Variants in DGKI observed in about 807,000 individuals in gnomAD.
DGKI encodes DAG kinase iota.
Under a neutral mutation model 147.5 loss-of-function variants are expected in DGKI, and 55 were observed. That is an observed-to-expected ratio of 0.37 (90% CI 0.30 to 0.47). DGKI has a LOEUF of 0.47. Ranked by LOEUF, DGKI falls within the 20% of genes least tolerant of loss-of-function variation. DGKI has a pLI of 1.00. For missense variants in DGKI, 1,007 were observed against 1,323.8 expected (o/e 0.76, Z 3.71); for synonymous variants, 469 against 477.1 (o/e 0.98, Z 0.22).
intron 6 of DGKI, among the ~76,000 whole-genome samples, chr7:137,640,510 C>A (rs1185572194): frequency 2.6e-5 from 4 of 152,110 alleles, no homozygotes; most frequent in East Asian, 1.9e-4. Flanking sequence ...CACAGACAGG[C>A]AAATAACCAA....
intron 6 of DGKI, among the ~76,000 whole-genome samples, chr7:137,638,327 T>G (rs2129004369): frequency 6.6e-6 from 1 of 150,962 alleles, no homozygotes; most frequent in Non-Finnish European, 1.5e-5. Flanking sequence ...TCCTCCAATT[T>G]TTATCTTAAA....
rs1223238120 is a variant in DGKI, at chr7:137,581,842, G to A, written c.1642+8C>T. On this transcript the variant is annotated splice_region_variant and intron_variant, in intron 15 of 32. Coordinates refer to ENST00000614521, the MANE Select transcript of DGKI (RefSeq NM_001321708.2). ...CCCTGGGAGATGGAAATGGGACGTT[G>A]TCCTCACCTCTGGATTCATGGAACT... is the stretch of plus-strand genomic sequence containing the variant. 1 of 1,610,754 alleles carries A rather than the reference G, an allele frequency of 6.2e-7. No homozygotes were observed. The highest frequency in any genetic ancestry group is 1.3e-5 in the African/African-American group (1 of 74,950).
chr7:137,422,595 CTTTTTTT>C (rs60494368), intron 28 of DGKI, among the ~76,000 whole-genome samples: 238 of 61,984 alleles, frequency 3.8e-3, no homozygotes, highest in African/African-American at 0.015. Context: ...TTTTTCTTTT[CTTTTTTT>C]TTTTTTTTTT....
intron 19 of DGKI, among the ~76,000 whole-genome samples, chr7:137,561,806 C>T (rs1048714006): frequency 3.3e-5 from 5 of 151,988 alleles, no homozygotes; most frequent in African/African-American, 1.2e-4. Context: ...CAAATGACAG[C>T]TGACTTTTCA....
chr7:137,656,037 C>T (rs1822208228), intron 4 of DGKI, among the ~76,000 whole-genome samples: 1 of 152,218 alleles, frequency 6.6e-6, no homozygotes, highest in Non-Finnish European at 1.5e-5. Flanking sequence ...CAGCGTGGCT[C>T]GCTCCCTTGC....
intron 1 of DGKI, among the ~76,000 whole-genome samples, chr7:137,732,697 A>G (rs1266480233): frequency 6.6e-6 from 1 of 152,076 alleles, no homozygotes; most frequent in African/African-American, 2.4e-5. Context: ...CCATACAAGT[A>G]GACAGGAAAG....
At chr7:137,603,321 C>T (rs1426023616) in intron 10 of DGKI, among the ~76,000 whole-genome samples, 2 of 152,150 alleles carry the variant, frequency 1.3e-5, no homozygotes, top group South Asian at 2.1e-4. Context: ...TAGGTTGAAA[C>T]TCTGCTATGT....
intron 7 of DGKI, among the ~76,000 whole-genome samples, 156 bp from the exon 8 acceptor site, chr7:137,620,096 A>G (rs997476878): frequency 6.6e-6 from 1 of 152,062 alleles, no homozygotes; most frequent in East Asian, 1.9e-4. Context: ...ACACATGCAC[A>G]CATGGGCACA....
Position 137,385,657 on chromosome 7 carries a change from A to C in DGKI, c.*5563T>G, listed in dbSNP as rs796411289. ...TAAATCAGTCTTAGCTTTCATTTTA[A>C]TAGTGTTTCTAAGTCTTGTTTTAAA... On this transcript the variant is annotated 3_prime_UTR_variant, in exon 33 of 33. Coordinates refer to ENST00000614521, the MANE Select transcript of DGKI (RefSeq NM_001321708.2). 4 of 152,276 alleles carry C rather than the reference A, an allele frequency of 2.6e-5. No homozygotes were observed. Among genetic ancestry groups the C allele is most frequent in the African/African-American group, 9.6e-5 (4 of 41,570 alleles). The allele number at this position is 152,276 out of a possible 1,614,324, so 9.4% of individuals were successfully genotyped here.
At chr7:137,464,643 C>T (rs1308101503) in intron 26 of DGKI, among the ~76,000 whole-genome samples, 1 of 152,188 alleles carries the variant, frequency 6.6e-6, no homozygotes, top group Non-Finnish European at 1.5e-5. Context: ...CTCTTGTCTC[C>T]ACCTAGACTT....
intron 3 of DGKI, among the ~76,000 whole-genome samples, chr7:137,666,783 T>C (rs1322011513): frequency 1.3e-5 from 2 of 152,174 alleles, no homozygotes; most frequent in African/African-American, 2.4e-5. Context: ...TAAAAAGGGT[T>C]CCAGCCTAAT....
intron 14 of DGKI, among the ~76,000 whole-genome samples, chr7:137,584,205 A>C (rs546791022): frequency 6.6e-6 from 1 of 152,286 alleles, no homozygotes; most frequent in Non-Finnish European, 1.5e-5. Flanking sequence ...CTGGGCCTTA[A>C]CTTGCATTTA....
chr7:137,599,999 A>G (rs1434993348), intron 10 of DGKI, 94 bp from the exon 11 acceptor site: 3 of 1,122,914 alleles, frequency 2.7e-6, no homozygotes, highest in Non-Finnish European at 3.9e-6. Context: ...ATTTAAAATA[A>G]TACACAGGGC....
intron 6 of DGKI, among the ~76,000 whole-genome samples, chr7:137,631,428 T>C (rs1174991556): frequency 6.6e-6 from 1 of 152,206 alleles, no homozygotes; most frequent in Non-Finnish European, 1.5e-5. Flanking sequence ...CCCAGTAGTA[T>C]CTCAAATGAT....
intron 3 of DGKI, among the ~76,000 whole-genome samples, chr7:137,667,582 G>T (rs929049894): frequency 5.3e-5 from 8 of 152,072 alleles, no homozygotes; most frequent in East Asian, 1.9e-4. Flanking sequence ...TGTGGAAATA[G>T]AATTATTTTC....
chr7:137,835,047 C>T (rs975114728), intron 1 of DGKI, among the ~76,000 whole-genome samples: 5 of 152,200 alleles, frequency 3.3e-5, no homozygotes, highest in Admixed American at 1.3e-4. Flanking sequence ...TTTTGAAGAG[C>T]TTTCAGCTGC....
At chr7:137,615,447 C>A (rs992405596) in intron 8 of DGKI, among the ~76,000 whole-genome samples, 1 of 151,266 alleles carries the variant, frequency 6.6e-6, no homozygotes, top group African/African-American at 2.4e-5. Context: ...GAACTGAATT[C>A]AATTAAGAAC....
At chr7:137,443,379 T>C (rs1354223178) in intron 28 of DGKI, among the ~76,000 whole-genome samples, 3 of 152,086 alleles carry the variant, frequency 2.0e-5, no homozygotes, top group Non-Finnish European at 4.4e-5. Context: ...ATTTCCAAAG[T>C]CCAAGTAAGA....
chr7:137,534,421 C>T (rs968008090), intron 20 of DGKI, among the ~76,000 whole-genome samples: 60 of 152,016 alleles, frequency 3.9e-4, no homozygotes, highest in Admixed American at 3.7e-3. Flanking sequence ...TATTCCTTTT[C>T]CTTCCCGTTT....
Sources: gnomAD v4.1 joint callset for allele counts (sites outside exome capture counted in the v4.1 genomes callset) on GRCh38, gnomAD v4.1.1 for gene constraint, MANE v1.5 for transcripts, NCBI Gene and HGNC (gene_info 2026-07-23, HGNC 2026-07-21) for gene names.